The following SYNE2 variants were observed in gnomAD, a reference collection of about 807,000 sequenced individuals.
The protein encoded by SYNE2 is spectrin repeat containing nuclear envelope protein 2.
A neutral mutation model predicts 856.3 loss-of-function variants in SYNE2; 431 were observed. The observed-to-expected ratio is 0.50, with a 90% CI of 0.47 to 0.55. SYNE2 has a LOEUF of 0.55. Ranked by LOEUF, SYNE2 falls within the 20% of genes least tolerant of loss-of-function variation. The probability of loss-of-function intolerance (pLI) is 0.00; values close to 1 mark genes in which losing one functional copy is unlikely to be tolerated. For synonymous variants in SYNE2, 2,923 were observed against 2,872.3 expected (o/e 1.02, Z -0.56); for missense variants, 8,129 against 8,023.2 (o/e 1.01, Z -0.50).
chr14:63,781,334 A>C (rs111437769), intron 1 of SYNE2, among the ~76,000 whole-genome samples: 1 of 152,110 alleles, frequency 6.6e-6, no homozygotes, highest in African/African-American at 2.4e-5. Context: ...TTTTACCTGA[A>C]AAAATGGAAA....
chr14:64,211,516 T>C (rs2098640973), intron 103 of SYNE2, among the ~76,000 whole-genome samples: 1 of 152,210 alleles, frequency 6.6e-6, no homozygotes. Context: ...ATCAAGGCTT[T>C]TCCATCTTGA....
intron 29 of SYNE2, among the ~76,000 whole-genome samples, chr14:64,002,392 A>G (rs1460757419): frequency 2.6e-5 from 4 of 152,218 alleles, no homozygotes; most frequent in African/African-American, 9.6e-5. Flanking sequence ...GCCGTATTCT[A>G]CCGTTTTCTT....
At chr14:63,927,346 G>C (rs757211649) in intron 2 of SYNE2, among the ~76,000 whole-genome samples, 1 of 152,054 alleles carries the variant, frequency 6.6e-6, no homozygotes, top group East Asian at 1.9e-4. Context: ...CCAGGAGTTG[G>C]AGACTAGCCT....
intron 51 of SYNE2, among the ~76,000 whole-genome samples, chr14:64,068,197 AGTGCACAC>A (rs1237475556): frequency 6.6e-6 from 1 of 152,116 alleles, no homozygotes; most frequent in East Asian, 1.9e-4. Context: ...TGTTCTGACA[AGTGCACAC>A]GGTCACATGA....
At position 63,961,554 on chromosome 14, in the gene SYNE2, T is replaced by G; in HGVS notation, c.817T>G (p.Ser273Ala). 2 of 1,614,082 alleles carry G rather than the reference T, an allele frequency of 1.2e-6. No homozygotes were observed. Among genetic ancestry groups the G allele is most frequent in the South Asian group, 1.1e-5 (1 of 91,064 alleles). ...GGATGTTGTTGATCCTGATGAAAAG[T>G]CCATCATGACCTATGTGGCACAGTT... is the stretch of plus-strand genomic sequence containing the variant. ...DVDVVDPDEKSIMTYVAQFLQ... is the reference protein window; with the variant it reads ...DVDVVDPDEKAIMTYVAQFLQ... Residue 273 changes from serine to alanine, a missense_variant, in exon 9 of 116, where the codon TCC becomes GCC. Ser to Ala is a moderately conservative substitution (Grantham distance 99, BLOSUM62 1). Coordinates refer to ENST00000555002, the MANE Select transcript of SYNE2 (RefSeq NM_182914.3).
intron 7 of SYNE2, 59 bp downstream of exon 7, chr14:63,950,065 C>T: frequency 6.5e-7 from 1 of 1,549,958 alleles, no homozygotes; most frequent in Non-Finnish European, 8.9e-7. Context: ...ACCAACACCA[C>T]CTCACCACCC....
At chr14:63,997,527 C>T in intron 25 of SYNE2, 136 bp downstream of exon 25, 1 of 785,668 alleles carries the variant, frequency 1.3e-6, no homozygotes, top group Non-Finnish European at 2.2e-6. Context: ...TCCACTTACA[C>T]AATGCAAAAG....
intron 98 of SYNE2, chr14:64,189,062 G>A: frequency 1.4e-6 from 1 of 690,258 alleles, no homozygotes; most frequent in South Asian, 1.5e-5. Flanking sequence ...GGCCTGGCGT[G>A]GTGGCTCATT....
intron 77 of SYNE2, among the ~76,000 whole-genome samples, chr14:64,132,908 A>G (rs2098037460): frequency 6.6e-6 from 1 of 152,150 alleles, no homozygotes; most frequent in Non-Finnish European, 1.5e-5. Context: ...TAAAGGAAAT[A>G]AAATAGGAAG....
chr14:63,853,674 G>GACCCGGGA (rs991124869), intron 1 of SYNE2, among the ~76,000 whole-genome samples: 3 of 151,262 alleles, frequency 2.0e-5, no homozygotes, highest in African/African-American at 7.3e-5. Flanking sequence ...TCGCCCCGGG[G>GACCCGGGA]ACCCGGGAAC....
At chr14:64,224,915 T>C in intron 114 of SYNE2, 84 bp from the exon 115 acceptor site, 1 of 1,334,244 alleles carries the variant, frequency 7.5e-7, no homozygotes, top group Non-Finnish European at 1.0e-6. Context: ...TGGTATATAA[T>C]TTAAGGGAGG....
At chr14:64,020,170 G>T in intron 35 of SYNE2, 77 bp downstream of exon 35, 1 of 1,034,004 alleles carries the variant, frequency 9.7e-7, no homozygotes, top group Non-Finnish European at 1.5e-6. Flanking sequence ...TCCAGCCTGG[G>T]CGACAGAGCA....
chr14:64,190,312 C>T, intron 99 of SYNE2, 75 bp downstream of exon 99: 12 of 1,582,814 alleles, frequency 7.6e-6, no homozygotes, highest in Non-Finnish European at 1.0e-5. Flanking sequence ...TGAACCCAGT[C>T]TTCCTCTAAG....
At chr14:64,152,397 T>C (rs1199291877) in intron 84 of SYNE2, among the ~76,000 whole-genome samples, 167 bp from the exon 85 acceptor site, 1 of 152,246 alleles carries the variant, frequency 6.6e-6, no homozygotes, top group Non-Finnish European at 1.5e-5. Context: ...TTGTGTCATA[T>C]GTAATTGAAC....
intron 1 of SYNE2, among the ~76,000 whole-genome samples, chr14:63,872,001 T>C (rs1335435837): frequency 6.6e-6 from 1 of 152,204 alleles, no homozygotes; most frequent in Non-Finnish European, 1.5e-5. Context: ...GCTTATGTGT[T>C]GCTTAACAAT....
intron 64 of SYNE2, among the ~76,000 whole-genome samples, chr14:64,103,501 G>T (rs1019097233): frequency 3.3e-5 from 5 of 152,044 alleles, no homozygotes; most frequent in Admixed American, 1.3e-4. Context: ...TGAAAACTAC[G>T]TGCTTCCTTT....
At position 64,223,391 on chromosome 14, in the gene SYNE2, TTGTAGCTTTTAAC is replaced by T; in HGVS notation, c.20382+16_20382+28del. The T allele has an allele frequency of 1.2e-6, 2 of 1,613,298 alleles. No homozygotes were observed. The highest frequency in any genetic ancestry group is 1.7e-6 in the Non-Finnish European group (2 of 1,179,632). On this transcript the variant is annotated intron_variant, in intron 113 of 115. Transcript: ENST00000555002. Reference sequence around the variant, plus strand: ...TTGCAGGGAACCCAGGTGAGTCTACTTGTAGCTTTTAACTGTAAAGATTGCCGTATTACATGCA... The same window carrying T: ...TTGCAGGGAACCCAGGTGAGTCTACTTGTAAAGATTGCCGTATTACATGCA...
In SYNE2 at chr14:64,171,563, GAGA is replaced by G. The variant is rs879315677; in HGVS notation, c.17235+1104_17235+1106del. 9.8e-5 allele frequency among the ~76,000 whole-genome samples: 15 copies of G among 152,306 alleles called. No individual in the cohort carries two copies. The Middle Eastern group carries it at 0.01, about 104-fold the overall frequency. ...GACATTTAACCTGGGACTGAATGAT[GAGA>G]AGGAGCCAGCCATGCAAGATCTAAG... On this transcript the variant is annotated intron_variant, in intron 94 of 115. Transcript: ENST00000555002.
chr14:63,827,367 G>A (rs1490683458), intron 1 of SYNE2, among the ~76,000 whole-genome samples: 1 of 151,756 alleles, frequency 6.6e-6, no homozygotes, highest in Non-Finnish European at 1.5e-5. Context: ...GCTCACGCCT[G>A]TAATCCCAGC....
Sources: allele counts gnomAD v4.1 joint callset (sites outside exome capture counted in the v4.1 genomes callset), GRCh38; gene constraint gnomAD v4.1.1; transcripts MANE v1.5; gene names NCBI Gene and HGNC (gene_info 2026-07-23, HGNC 2026-07-21).